WASF3: variants seen among roughly 807,000 people sequenced by gnomAD.
WASF3 encodes the protein actin-binding protein WASF3.
WASF3 carries 11 observed loss-of-function variants against 46.6 expected under a neutral mutation model. The observed-to-expected ratio is 0.24, with a 90% CI of 0.15 to 0.39. WASF3 has a LOEUF of 0.39. Among genes scored for constraint, WASF3 ranks in the 10% least tolerant of loss-of-function variants. The pLI, the probability that WASF3 is intolerant of heterozygous loss-of-function variation, is 1.00. For missense variants in WASF3, 576 were observed against 669.8 expected, an observed-to-expected ratio of 0.86 and a Z score of 1.55; for synonymous variants, 242 against 259.7, an observed-to-expected ratio of 0.93 and a Z score of 0.65.
At chr13:26,666,829 G>C (rs1486628254) in intron 4 of WASF3, among the ~76,000 whole-genome samples, 7 of 139,592 alleles carry the variant, frequency 5.0e-5, no homozygotes, top group Admixed American at 3.0e-4. Context: ...AACCCGGGAG[G>C]CTGCACTCCA....
At chr13:26,593,221 TTTAGC>T (rs141820268) in intron 1 of WASF3, among the ~76,000 whole-genome samples, 2,077 of 152,284 alleles carry the variant, frequency 0.014, 55 homozygotes, top group African/African-American at 0.047. Flanking sequence ...ATTTTCTACC[TTTAGC>T]ATTACTGAGG....
Position 26,642,279 on chromosome 13 carries a change from A to C in WASF3, c.9A>C (p.Leu3Phe). The C allele has an allele frequency of 1.3e-6, 2 of 1,571,120 alleles. No individual in the cohort carries two copies. The highest frequency in any genetic ancestry group is 1.7e-6 in the Non-Finnish European group (2 of 1,166,440). The change falls in exon 3 of 10, where the codon TTA becomes TTC. Residue 3 changes from leucine (L) to phenylalanine (F), a missense_variant. Physicochemically the swap from Leu to Phe is conservative, Grantham distance 22. Transcript: ENST00000335327. MP[L>F]VKRNIEPRHL... is the part of the protein sequence containing the mutation. ...TTTTCAGATTGTGAACCATGCCTTTAGTGAAGAGGAACATTGAGCCCCGGC... is the reference window on the plus strand; with the variant it reads ...TTTTCAGATTGTGAACCATGCCTTTCGTGAAGAGGAACATTGAGCCCCGGC...
chr13:26,641,029 A>T (rs1881981855), intron 2 of WASF3: 1 of 152,152 alleles, frequency 6.6e-6, no homozygotes, highest in African/African-American at 2.4e-5. Flanking sequence ...GAGGTTGGGG[A>T]GCTGTCTCAC....
At chr13:26,623,491 A>G (rs759560626) in intron 2 of WASF3, among the ~76,000 whole-genome samples, 3 of 152,162 alleles carry the variant, frequency 2.0e-5, no homozygotes, top group Non-Finnish European at 4.4e-5. Flanking sequence ...TGCTTCTGGG[A>G]CGAAGGGTAA....
chr13:26,680,180 A>G (rs1399350449), intron 7 of WASF3: 2 of 1,588,704 alleles, frequency 1.3e-6, no homozygotes, highest in Non-Finnish European at 1.7e-6. Flanking sequence ...GGGAGCGCCA[A>G]AGAGGACAGA....
At chr13:26,579,477 A>G (rs541405381) in intron 1 of WASF3, among the ~76,000 whole-genome samples, 1 of 152,282 alleles carries the variant, frequency 6.6e-6, no homozygotes, top group Non-Finnish European at 1.5e-5. Context: ...TGAAGTGCCA[A>G]GGATAGGAAG....
intron 3 of WASF3, 28 bp from the exon 4 acceptor site, chr13:26,665,000 G>C: frequency 6.2e-7 from 1 of 1,612,714 alleles, no homozygotes; most frequent in South Asian, 1.1e-5. Flanking sequence ...CCTAACAGAT[G>C]GCCTTCTCCA....
intron 3 of WASF3, among the ~76,000 whole-genome samples, chr13:26,647,447 G>C (rs2137423630): frequency 6.6e-6 from 1 of 151,996 alleles, no homozygotes; most frequent in African/African-American, 2.4e-5. Context: ...CATTAAACCG[G>C]GAGTGCTTTT....
intron 7 of WASF3, among the ~76,000 whole-genome samples, chr13:26,678,848 G>A (rs1883141946): frequency 6.6e-6 from 1 of 151,046 alleles, no homozygotes. Context: ...CTGGCTGCCC[G>A]CCTGTCTACC....
intron 1 of WASF3, among the ~76,000 whole-genome samples, chr13:26,597,089 A>G (rs543884381): frequency 2.4e-4 from 36 of 152,320 alleles, no homozygotes; most frequent in African/African-American, 7.0e-4. Flanking sequence ...TTGACTTTTT[A>G]AAAATGGACC....
intron 1 of WASF3, among the ~76,000 whole-genome samples, chr13:26,571,727 T>G (rs1390220739): frequency 1.3e-5 from 2 of 152,246 alleles, no homozygotes; most frequent in East Asian, 3.8e-4. Flanking sequence ...CTTTTCCACA[T>G]GAACTTCAGC....
chr13:26,636,796 C>T (rs941048766), intron 2 of WASF3, among the ~76,000 whole-genome samples: 1 of 152,206 alleles, frequency 6.6e-6, no homozygotes. Flanking sequence ...CCGTGTCATG[C>T]AGTCTGTAGA....
chr13:26,574,860 G>A (rs1006369363), intron 1 of WASF3, among the ~76,000 whole-genome samples: 1 of 142,930 alleles, frequency 7.0e-6, no homozygotes, highest in African/African-American at 2.6e-5. Context: ...TTTTTGAGAT[G>A]GAGTCTCGCT....
At chr13:26,675,255 TC>T (rs1461355397) in intron 6 of WASF3, among the ~76,000 whole-genome samples, 1 of 152,156 alleles carries the variant, frequency 6.6e-6, no homozygotes, top group Non-Finnish European at 1.5e-5. Flanking sequence ...TCTAAGGTCT[TC>T]CTGCCTTTCA....
chr13:26,576,910 CT>C, intron 1 of WASF3: 1 of 783,568 alleles, frequency 1.3e-6, no homozygotes, highest in Non-Finnish European at 2.1e-6. Context: ...GAACAAACGC[CT>C]TACGAAAGGA....
At chr13:26,677,510 C>G (rs1246528993) in intron 7 of WASF3, among the ~76,000 whole-genome samples, 1 of 152,176 alleles carries the variant, frequency 6.6e-6, no homozygotes, top group Non-Finnish European at 1.5e-5. Flanking sequence ...CAACAGCAAC[C>G]TGGACTTTGG....
chr13:26,603,459 T>TG (rs1341091825), intron 1 of WASF3, among the ~76,000 whole-genome samples: 1 of 152,040 alleles, frequency 6.6e-6, no homozygotes, highest in Non-Finnish European at 1.5e-5. Context: ...AGACCAGGGA[T>TG]GGGATATAGG....
intron 1 of WASF3, among the ~76,000 whole-genome samples, chr13:26,595,548 A>C (rs1177434488): frequency 1.3e-5 from 2 of 152,030 alleles, no homozygotes; most frequent in Non-Finnish European, 2.9e-5. Flanking sequence ...GAGTGTGTAA[A>C]GTTCTCTGCA....
At chr13:26,634,558 A>G (rs1442991788) in intron 2 of WASF3, among the ~76,000 whole-genome samples, 2 of 152,050 alleles carry the variant, frequency 1.3e-5, no homozygotes, top group African/African-American at 2.4e-5. Context: ...TTGACTGTTA[A>G]TTGATCCAGT....
Sources: allele counts gnomAD v4.1 joint callset (sites outside exome capture counted in the v4.1 genomes callset), GRCh38; gene constraint gnomAD v4.1.1; transcripts MANE v1.5; gene names NCBI Gene and HGNC (gene_info 2026-07-23, HGNC 2026-07-21).